The following ZFP90 variants were observed in gnomAD, a reference collection of about 807,000 sequenced individuals.
ZFP90 encodes the protein zinc finger protein 90 homolog.
Under a neutral mutation model 60.8 loss-of-function variants are expected in ZFP90, and 38 were observed. That is an observed-to-expected ratio of 0.62 (90% CI 0.48 to 0.82). The LOEUF is 0.82. ZFP90 is among the 40% of genes least tolerant of loss of function. The pLI, the probability that ZFP90 is intolerant of heterozygous loss-of-function variation, is 0.00. For missense variants in ZFP90, 711 were observed against 759.1 expected (o/e 0.94, Z 0.74); for synonymous variants, 287 against 264.8 (o/e 1.08, Z -0.82).
At chr16:68,553,405 G>A (rs1354160002) in intron 2 of ZFP90, among the ~76,000 whole-genome samples, 1 of 152,078 alleles carries the variant, frequency 6.6e-6, no homozygotes, top group Non-Finnish European at 1.5e-5. Flanking sequence ...GGAGGAAGTA[G>A]GTTTAGTGTC....
At position 68,539,351 on chromosome 16, in the gene ZFP90, T is replaced by G. The variant is rs914710438; in HGVS notation, c.-164T>G. On this transcript the variant is annotated 5_prime_UTR_variant, in exon 1 of 5. Coordinates refer to ENST00000563169, the MANE Select transcript of ZFP90 (RefSeq NM_001305203.2). ...CGACCCCGGTGCGGCTGAGGCCCCT[T>G]TGGGCAGCCCCTCCGCAGATCAGAA... 22 of 192,650 alleles carry G rather than the reference T, an allele frequency of 1.1e-4. No homozygotes were observed. The highest frequency in any genetic ancestry group is 1.9e-4 in the Non-Finnish European group (18 of 95,026). The allele number at this position is 192,650 out of a possible 1,614,324, so 11.9% of individuals were successfully genotyped here.
At chr16:68,539,867 T>C (rs747195542) in intron 2 of ZFP90, 42 bp downstream of exon 2, 1 of 1,596,922 alleles carries the variant, frequency 6.3e-7, no homozygotes, top group South Asian at 1.1e-5. Context: ...CCCATCCATC[T>C]ATCCATCCCA....
intron 3 of ZFP90, 28 bp downstream of exon 3, chr16:68,558,152 C>G: frequency 6.2e-7 from 1 of 1,609,854 alleles, no homozygotes; most frequent in Non-Finnish European, 8.5e-7. Flanking sequence ...GAGTGTCTTT[C>G]CTGCTGATGG....
At chr16:68,545,183 C>T (rs1368105959) in intron 2 of ZFP90, among the ~76,000 whole-genome samples, 1 of 151,718 alleles carries the variant, frequency 6.6e-6, no homozygotes, top group Non-Finnish European at 1.5e-5. Context: ...CCGGCCCATG[C>T]ACTCCTATTA....
chr16:68,544,858 G>A (rs2091117132), intron 2 of ZFP90, among the ~76,000 whole-genome samples: 1 of 137,004 alleles, frequency 7.3e-6, no homozygotes. Context: ...TAGCACCTGT[G>A]AACACCTTTT....
chr16:68,562,912 C>T (rs1479151683), intron 4 of ZFP90, 132 bp from the exon 5 acceptor site: 30 of 1,538,004 alleles, frequency 2.0e-5, no homozygotes, highest in Middle Eastern at 2.3e-4. Flanking sequence ...CATTTTGGGT[C>T]GTCTTCTCAG....
rs539918755 is a variant in ZFP90, at chr16:68,545,719, G to GCA, written c.33+5895_33+5896dup. Among the ~76,000 whole-genome samples, 16 of 152,004 alleles carry GCA rather than the reference G, an allele frequency of 1.1e-4. No homozygotes were observed. The South Asian group carries it at 3.1e-3, about 30-fold the overall frequency. On this transcript the variant is annotated intron_variant, in intron 2 of 4. Transcript: ENST00000563169. ...AGTCCCAGCTACTCGGGAGGCTGAGGCAGAAGAATGGCATGAACCTGGGAG... is the reference window on the plus strand; with the variant it reads ...AGTCCCAGCTACTCGGGAGGCTGAGGCACAGAAGAATGGCATGAACCTGGGAG...
At chr16:68,537,428 C>A (rs532661601), upstream of ZFP90, among the ~76,000 whole-genome samples, 31 of 152,162 alleles carry the variant, frequency 2.0e-4, no homozygotes, top group African/African-American at 7.5e-4. Context: ...GCCCAGCCTG[C>A]AGTTGCCTTA....
intron 2 of ZFP90, among the ~76,000 whole-genome samples, chr16:68,545,295 C>G (rs905858408): frequency 6.6e-6 from 1 of 152,046 alleles, no homozygotes. Context: ...CCCTTCAACC[C>G]CTTGCCCAGA....
At chr16:68,574,000 T>TTCCCTG (rs2067376) in intron 2 of ZFP90, 77,656 of 151,600 alleles carry the variant, frequency 0.51, 21,891 homozygotes, top group East Asian at 0.76. Flanking sequence ...TTCTCCAGGT[T>TTCCCTG]TCCTGCATGC....
chr16:68,560,710 A>G (rs1278203823), intron 4 of ZFP90, among the ~76,000 whole-genome samples: 2 of 143,544 alleles, frequency 1.4e-5, no homozygotes, highest in African/African-American at 5.2e-5. Context: ...GCACGCACCA[A>G]CTCGCCTGGC....
intron 2 of ZFP90, among the ~76,000 whole-genome samples, chr16:68,555,660 A>T (rs2091331590): frequency 6.6e-6 from 1 of 152,180 alleles, no homozygotes; most frequent in African/African-American, 2.4e-5. Flanking sequence ...CATTAAATAG[A>T]TGAGTAGGTT....
At chr16:68,543,298 C>T (rs951566520) in intron 2 of ZFP90, among the ~76,000 whole-genome samples, 1 of 152,106 alleles carries the variant, frequency 6.6e-6, no homozygotes, top group African/African-American at 2.4e-5. Flanking sequence ...AAAAGATTGC[C>T]ATGAATGATG....
upstream of ZFP90, among the ~76,000 whole-genome samples, chr16:68,534,811 G>A (rs1183897104): frequency 9.9e-5 from 15 of 151,898 alleles, no homozygotes. Flanking sequence ...AGAGGCTGAG[G>A]CAGGAGAATG....
chr16:68,567,659 G>A (rs927128031), downstream of ZFP90, among the ~76,000 whole-genome samples: 1 of 152,166 alleles, frequency 6.6e-6, no homozygotes, highest in Admixed American at 6.5e-5. Context: ...ATTTCCTGAT[G>A]TCCTTAGACC....
intron 2 of ZFP90, among the ~76,000 whole-genome samples, chr16:68,554,516 G>A (rs1314069099): frequency 6.6e-6 from 1 of 152,150 alleles, no homozygotes; most frequent in African/African-American, 2.4e-5. Flanking sequence ...GAGAAAAAGG[G>A]GATTGGGATC....
rs1403505326 is a variant in ZFP90, at chr16:68,558,063, T to G, written c.99T>G (p.Pro33=). 6.2e-7 allele frequency: 1 copy of G among 1,613,978 alleles called. No homozygotes were observed. The highest frequency in any genetic ancestry group is 1.3e-5 in the African/African-American group (1 of 74,948). Reference sequence around the variant, plus strand: ...AGGAAGAATGGTACCATGTCGACCCTGCTCAGAGGAGCTTATACAGGGATG... The same window carrying G: ...AGGAAGAATGGTACCATGTCGACCCGGCTCAGAGGAGCTTATACAGGGATG... ...FTQEEWYHVD[P]AQRSLYRDVM... Residue 33 remains proline (P), a synonymous_variant, in exon 3 of 5, where the codon CCT becomes CCG. Transcript: ENST00000563169.
At chr16:68,556,860 G>GT (rs1170662799) in intron 2 of ZFP90, among the ~76,000 whole-genome samples, 1 of 152,184 alleles carries the variant, frequency 6.6e-6, no homozygotes, top group Admixed American at 6.5e-5. Flanking sequence ...TGAATAACTG[G>GT]TTAACTAGTT....
At chr16:68,573,654 G>A (rs1448638972) in intron 2 of ZFP90, 1 of 152,228 alleles carries the variant, frequency 6.6e-6, no homozygotes, top group East Asian at 1.9e-4. Context: ...TACACCACCA[G>A]TTTACAATTA....
Sources: gnomAD v4.1 joint callset for allele counts (sites outside exome capture counted in the v4.1 genomes callset) on GRCh38, gnomAD v4.1.1 for gene constraint, MANE v1.5 for transcripts, NCBI Gene and HGNC (gene_info 2026-07-23, HGNC 2026-07-21) for gene names.